The following LPP variants were observed in gnomAD, a reference collection of about 807,000 sequenced individuals.
The protein encoded by LPP is lipoma-preferred partner.
A neutral mutation model predicts 60.4 loss-of-function variants in LPP; 38 were observed. The ratio of observed to expected loss-of-function variants is 0.63; its 90% confidence interval spans 0.49 to 0.83. LPP has a LOEUF of 0.83. LPP is among the 40% of genes least tolerant of loss of function. The pLI, the probability that LPP is intolerant of heterozygous loss-of-function variation, is 0.00. For missense variants in LPP, 902 were observed against 783.6 expected (o/e 1.15, Z -1.80); for synonymous variants, 328 against 290.8 (o/e 1.13, Z -1.30).
At chr3:188,314,953 T>C (rs1256525446) in intron 2 of LPP, among the ~76,000 whole-genome samples, 1 of 152,188 alleles carries the variant, frequency 6.6e-6, no homozygotes, top group African/African-American at 2.4e-5. Context: ...ATTGCCTTTT[T>C]TGGAGTGAAG....
chr3:188,390,355 A>G (rs1289988968), intron 3 of LPP, among the ~76,000 whole-genome samples: 2 of 152,166 alleles, frequency 1.3e-5, no homozygotes, highest in Non-Finnish European at 2.9e-5. Context: ...TGGGCTTTAA[A>G]AAGTACTATT....
chr3:188,332,562 A>G (rs1161339878), intron 2 of LPP, among the ~76,000 whole-genome samples: 2 of 152,198 alleles, frequency 1.3e-5, no homozygotes, highest in African/African-American at 4.8e-5. Context: ...AGTACATACT[A>G]AAGACCAGAT....
At position 188,548,338 on chromosome 3, in the gene LPP, A is replaced by T. The variant is rs115592644; in HGVS notation, c.429+23551A>T. ...GTCTGATTAAAAACATTCCGTGGTGATTCCTTTTCTTGGTAAGACACATAG... is the reference window on the plus strand; with the variant it reads ...GTCTGATTAAAAACATTCCGTGGTGTTTCCTTTTCTTGGTAAGACACATAG... On this transcript the variant is annotated intron_variant, in intron 6 of 11. Transcript: ENST00000617246. Among the ~76,000 whole-genome samples, 1,017 of 152,254 alleles carry T rather than the reference A, an allele frequency of 6.7e-3. 11 individuals are homozygous for T. Among genetic ancestry groups the T allele is most frequent in the African/African-American group, 0.023 (972 of 41,538 alleles).
intron 7 of LPP, among the ~76,000 whole-genome samples, chr3:188,629,670 A>T (rs1372065456): frequency 6.6e-6 from 1 of 152,162 alleles, no homozygotes; most frequent in Non-Finnish European, 1.5e-5. Context: ...CAATTTATAG[A>T]TTCAGTGATA....
chr3:188,776,562 G>A (rs1427307190), intron 9 of LPP, among the ~76,000 whole-genome samples: 2 of 152,118 alleles, frequency 1.3e-5, no homozygotes, highest in Non-Finnish European at 1.5e-5. Context: ...TCCTCTGATG[G>A]CATCTTAATG....
At chr3:188,530,749 A>G (rs1210075453) in intron 6 of LPP, among the ~76,000 whole-genome samples, 3 of 152,232 alleles carry the variant, frequency 2.0e-5, no homozygotes, top group Non-Finnish European at 4.4e-5. Flanking sequence ...TCTCAAACAC[A>G]TAACAAAGAA....
At chr3:188,458,568 C>T (rs940646626) in intron 4 of LPP, among the ~76,000 whole-genome samples, 1 of 152,222 alleles carries the variant, frequency 6.6e-6, no homozygotes, top group African/African-American at 2.4e-5. Flanking sequence ...TATCCAGCTT[C>T]AGCAATAATT....
intron 9 of LPP, among the ~76,000 whole-genome samples, chr3:188,834,686 A>G (rs1050279432): frequency 3.3e-5 from 5 of 152,208 alleles, no homozygotes; most frequent in Non-Finnish European, 7.3e-5. Flanking sequence ...AAGGCCTTGC[A>G]GAAAGCTGAC....
At chr3:188,584,836 A>G (rs1317395401) in intron 6 of LPP, among the ~76,000 whole-genome samples, 4 of 152,000 alleles carry the variant, frequency 2.6e-5, no homozygotes, top group African/African-American at 9.7e-5. Context: ...TTGAAACATT[A>G]AAACTGGTGA....
chr3:188,165,866 C>T (rs1308177086), intron 1 of LPP, among the ~76,000 whole-genome samples: 1 of 152,118 alleles, frequency 6.6e-6, no homozygotes, highest in Admixed American at 6.6e-5. Context: ...GTTCACAGCC[C>T]TGGTCCCAGC....
intron 8 of LPP, among the ~76,000 whole-genome samples, chr3:188,752,923 G>A (rs1057399032): frequency 5.9e-5 from 9 of 152,212 alleles, no homozygotes; most frequent in African/African-American, 2.2e-4. Flanking sequence ...ACCTGTGGTA[G>A]ATCATGACTT....
intron 4 of LPP, among the ~76,000 whole-genome samples, chr3:188,445,896 A>G (rs768763225): frequency 3.3e-5 from 5 of 152,228 alleles, no homozygotes; most frequent in Non-Finnish European, 2.9e-5. Flanking sequence ...TTTGTGATAC[A>G]GGATAGATGT....
At chr3:188,252,851 G>A (rs902204899) in intron 2 of LPP, among the ~76,000 whole-genome samples, 13 of 152,094 alleles carry the variant, frequency 8.5e-5, no homozygotes, top group Admixed American at 5.2e-4. Flanking sequence ...AACTCACTGC[G>A]ATCTCCGCCT....
At chr3:188,370,109 G>A (rs1772556121) in intron 3 of LPP, among the ~76,000 whole-genome samples, 1 of 152,188 alleles carries the variant, frequency 6.6e-6, no homozygotes, top group African/African-American at 2.4e-5. Context: ...TGTATTTTTA[G>A]TAGAGACGGG....
intron 3 of LPP, among the ~76,000 whole-genome samples, chr3:188,392,561 G>T (rs1254002037): frequency 2.0e-5 from 3 of 152,100 alleles, no homozygotes; most frequent in Non-Finnish European, 4.4e-5. Context: ...AAACATAGAG[G>T]TTGTTAAACC....
At chr3:188,782,327 T>C (rs367553393) in intron 9 of LPP, among the ~76,000 whole-genome samples, 1 of 152,130 alleles carries the variant, frequency 6.6e-6, no homozygotes, top group Non-Finnish European at 1.5e-5. Flanking sequence ...TGAAAAGCAA[T>C]GTACAGAACC....
At chr3:188,372,289 A>G (rs1050891279) in intron 3 of LPP, among the ~76,000 whole-genome samples, 1 of 152,172 alleles carries the variant, frequency 6.6e-6, no homozygotes, top group African/African-American at 2.4e-5. Context: ...TTAATATAAG[A>G]TAAATTTATG....
At chr3:188,230,373 T>C (rs1719446768) in intron 2 of LPP, among the ~76,000 whole-genome samples, 1 of 152,192 alleles carries the variant, frequency 6.6e-6, no homozygotes, top group South Asian at 2.1e-4. Flanking sequence ...AAACATATTA[T>C]TTATGGTACA....
chr3:188,217,117 G>A lies in LPP; in HGVS notation c.-189-8288G>A, dbSNP rs1713947328. On this transcript the variant is annotated intron_variant, in intron 1 of 11. Transcript: ENST00000617246. The surrounding 1 kb of genome is among the most constrained non-coding windows in gnomAD (Gnocchi z 4.0). Reference sequence around the variant, plus strand: ...GGCAGATAAAGGAACACTTAAACAAGAGGGACTGATAAGTAACCCAAGGGA... The same window carrying A: ...GGCAGATAAAGGAACACTTAAACAAAAGGGACTGATAAGTAACCCAAGGGA... Among the ~76,000 whole-genome samples the A allele has an allele frequency of 6.6e-6, 1 of 152,188 alleles. No individual in the cohort carries two copies. The highest frequency in any genetic ancestry group is 6.5e-5 in the Admixed American group (1 of 15,276).
Sources: gnomAD v4.1 joint callset for allele counts (sites outside exome capture counted in the v4.1 genomes callset) on GRCh38, gnomAD v4.1.1 for gene constraint, Gnocchi (gnomAD v3.1) non-coding constraint, MANE v1.5 for transcripts, NCBI Gene and HGNC (gene_info 2026-07-23, HGNC 2026-07-21) for gene names.